The following SEMA6D variants were observed in gnomAD, a reference collection of about 807,000 sequenced individuals.
SEMA6D encodes the protein semaphorin 6D.
SEMA6D carries 35 observed loss-of-function variants against 106.6 expected under a neutral mutation model. The ratio of observed to expected loss-of-function variants is 0.33; its 90% confidence interval spans 0.25 to 0.44. The LOEUF (loss-of-function observed/expected upper bound fraction) is 0.44, where lower values mean the gene tolerates loss of function less well. Ranked by LOEUF, SEMA6D falls within the 20% of genes least tolerant of loss-of-function variation. The pLI, the probability that SEMA6D is intolerant of heterozygous loss-of-function variation, is 1.00. For synonymous variants in SEMA6D, 499 were observed against 487.7 expected (o/e 1.02, Z -0.31); for missense variants, 1,185 against 1,345.9 (o/e 0.88, Z 1.87).
chr15:47,676,069 T>C (rs1379985310), intron 4 of SEMA6D, among the ~76,000 whole-genome samples: 1 of 152,200 alleles, frequency 6.6e-6, no homozygotes, highest in Non-Finnish European at 1.5e-5. Context: ...TGGGTGACTC[T>C]GCAGTCGGCT....
chr15:47,266,181 G>A (rs1175894411), intron 1 of SEMA6D, among the ~76,000 whole-genome samples: 4 of 152,026 alleles, frequency 2.6e-5, no homozygotes, highest in African/African-American at 4.8e-5. Context: ...TCTCTCCAAT[G>A]AATCTCCTAA....
At chr15:47,428,935 G>A (rs1249867897) in intron 2 of SEMA6D, among the ~76,000 whole-genome samples, 1 of 151,398 alleles carries the variant, frequency 6.6e-6, no homozygotes, top group Non-Finnish European at 1.5e-5. Flanking sequence ...AGAGGAGGAA[G>A]AGAGGGAGGG....
chr15:47,700,031 T>C (rs1412149124), intron 4 of SEMA6D, among the ~76,000 whole-genome samples: 1 of 152,198 alleles, frequency 6.6e-6, no homozygotes, highest in Non-Finnish European at 1.5e-5. Flanking sequence ...CAATTTACAT[T>C]AGCATCCCAC....
intron 3 of SEMA6D, among the ~76,000 whole-genome samples, chr15:47,582,726 G>T (rs1209931755): frequency 6.6e-6 from 1 of 152,088 alleles, no homozygotes; most frequent in Non-Finnish European, 1.5e-5. Context: ...TGATTCTCAG[G>T]CTGAGCTTCA....
chr15:47,759,849 G>A lies in SEMA6D; in HGVS notation c.51G>A (p.Gln17=), dbSNP rs2081966568. ...CAYILLLMVS[Q]LRAVSFPEDD... The stretch of plus-strand genomic sequence containing the variant: ...ACATACTGCTGCTGATGGTTTCCCA[G>A]TTGAGGGCAGTCAGCTTTCCTGAAG... Residue 17 remains glutamine (Q), a synonymous_variant, in exon 2 of 19, where the codon CAG becomes CAA. Coordinates refer to ENST00000536845, the MANE Select transcript of SEMA6D (RefSeq NM_001358351.3). 1 of 1,613,732 alleles carries A rather than the reference G, an allele frequency of 6.2e-7. No individual in the cohort carries two copies. The highest frequency in any genetic ancestry group is 1.3e-5 in the African/African-American group (1 of 74,914).
At chr15:47,458,253 G>A (rs1426986963) in intron 2 of SEMA6D, among the ~76,000 whole-genome samples, 1 of 151,740 alleles carries the variant, frequency 6.6e-6, no homozygotes, top group Non-Finnish European at 1.5e-5. Flanking sequence ...CACCATATAT[G>A]CGGTAGTATG....
intron 2 of SEMA6D, among the ~76,000 whole-genome samples, chr15:47,458,096 C>A (rs1324685073): frequency 6.6e-6 from 1 of 151,820 alleles, no homozygotes; most frequent in Non-Finnish European, 1.5e-5. Flanking sequence ...TTCAGACAAA[C>A]AAGAGCTGAA....
At chr15:47,569,818 T>C (rs1230687937) in intron 3 of SEMA6D, among the ~76,000 whole-genome samples, 1 of 152,138 alleles carries the variant, frequency 6.6e-6, no homozygotes, top group East Asian at 1.9e-4. Flanking sequence ...CCCAGTACTT[T>C]GGGAGAACAA....
intron 4 of SEMA6D, among the ~76,000 whole-genome samples, chr15:47,669,436 G>A (rs2078096572): frequency 1.3e-5 from 2 of 152,108 alleles, no homozygotes; most frequent in Admixed American, 1.3e-4. Flanking sequence ...TTAACTGTTA[G>A]CTAAATGAAT....
chr15:47,633,753 A>G (rs2077331936), intron 4 of SEMA6D, among the ~76,000 whole-genome samples: 1 of 152,200 alleles, frequency 6.6e-6, no homozygotes, highest in Admixed American at 6.5e-5. Flanking sequence ...TGACATCTGA[A>G]GATACAAACG....
chr15:47,664,819 T>C (rs1034473878), intron 4 of SEMA6D, among the ~76,000 whole-genome samples: 2 of 152,228 alleles, frequency 1.3e-5, no homozygotes, highest in South Asian at 2.1e-4. Flanking sequence ...ATCTTGAGAA[T>C]TGAGTTCCCC....
At chr15:47,199,267 G>T (rs1894557729) in intron 1 of SEMA6D, among the ~76,000 whole-genome samples, 2 of 152,134 alleles carry the variant, frequency 1.3e-5, no homozygotes, top group Admixed American at 1.3e-4. Context: ...GATGGTTTCA[G>T]CTGCTCTCAT....
intron 4 of SEMA6D, among the ~76,000 whole-genome samples, chr15:47,699,029 A>G (rs1036539795): frequency 3.9e-5 from 6 of 152,190 alleles, no homozygotes; most frequent in African/African-American, 1.4e-4. Context: ...TTTTAAAAGA[A>G]GGAGAATATG....
Position 47,693,990 on chromosome 15 carries a change from C to T in SEMA6D, c.-54-65755C>T, listed in dbSNP as rs146314462. Among the ~76,000 whole-genome samples, 641 of 152,190 alleles carry T rather than the reference C, an allele frequency of 4.2e-3. 11 individuals are homozygous for T. Among genetic ancestry groups the T allele is most frequent in the African/African-American group, 0.014 (600 of 41,528 alleles). On this transcript the variant is annotated intron_variant, in intron 4 of 19. Coordinates refer to the SEMA6D transcript ENST00000558014. ...AGCAGAGACAAGCACTTGATTTTTTCAGAGCTCTTCAAGAGATTCTAATGT... is the reference window on the plus strand; with the variant it reads ...AGCAGAGACAAGCACTTGATTTTTTTAGAGCTCTTCAAGAGATTCTAATGT...
intron 3 of SEMA6D, among the ~76,000 whole-genome samples, chr15:47,492,004 T>C (rs1185499484): frequency 6.6e-6 from 1 of 152,176 alleles, no homozygotes; most frequent in African/African-American, 2.4e-5. Context: ...GGTATGAGGC[T>C]TCAGAGTTTT....
chr15:47,322,279 ATTTT>A (rs200999593), intron 1 of SEMA6D, among the ~76,000 whole-genome samples: 1 of 138,998 alleles, frequency 7.2e-6, no homozygotes, highest in African/African-American at 2.6e-5. Flanking sequence ...TTCACTAGTT[ATTTT>A]TTTTTTTTTT....
chr15:47,531,933 T>C (rs373967180), intron 3 of SEMA6D, among the ~76,000 whole-genome samples: 3 of 152,228 alleles, frequency 2.0e-5, no homozygotes, highest in African/African-American at 4.8e-5. Flanking sequence ...TGGTATTAGG[T>C]TGGTGCAAAA....
chr15:47,559,843 A>G (rs771956982), intron 3 of SEMA6D, among the ~76,000 whole-genome samples: 1 of 152,152 alleles, frequency 6.6e-6, no homozygotes, highest in Admixed American at 6.6e-5. Context: ...TTTGAATGTC[A>G]TTCCCAGCTA....
intron 1 of SEMA6D, among the ~76,000 whole-genome samples, chr15:47,254,403 A>G (rs1258292777): frequency 1.3e-5 from 2 of 149,982 alleles, no homozygotes; most frequent in Admixed American, 1.3e-4. Flanking sequence ...CTCCTTTCCC[A>G]TTTGGATGCC....
Sources: allele counts gnomAD v4.1 joint callset (sites outside exome capture counted in the v4.1 genomes callset), GRCh38; gene constraint gnomAD v4.1.1; transcripts MANE v1.5; gene names NCBI Gene and HGNC (gene_info 2026-07-23, HGNC 2026-07-21).